HS6ST2: variants seen among roughly 807,000 people sequenced by gnomAD.
HS6ST2 encodes heparan sulfate 6-O-sulfotransferase 2, also known as heparan-sulfate 6-O-sulfotransferase 2.
Under a neutral mutation model 33.0 loss-of-function variants are expected in HS6ST2, and 17 were observed. That is an observed-to-expected ratio of 0.52 (90% CI 0.35 to 0.77). The LOEUF (loss-of-function observed/expected upper bound fraction) is 0.77. Among genes scored for constraint, HS6ST2 ranks in the 30% least tolerant of loss-of-function variants. The pLI is 0.01. For missense variants in HS6ST2, 519 were observed against 551.7 expected (o/e 0.94, Z 0.59); for synonymous variants, 248 against 237.1 (o/e 1.05, Z -0.42).
rs150603190 is a variant in HS6ST2 at position 132,915,418 on chromosome X, G to T, written c.947+41390C>A. On this transcript the variant is annotated intron_variant, in intron 2 of 4. Transcript: ENST00000370833. ...TAGTGAATAACTCTTTCCTCAAGAC[G>T]TATCTTTAGATTTATGTTTTGCTTT... Among the ~76,000 whole-genome samples the T allele has an allele frequency of 9.3e-3, 1,040 of 112,078 alleles. 9 individuals carry two copies. Among genetic ancestry groups the T allele is most frequent in the Non-Finnish European group, 0.013 (676 of 53,232 alleles).
intron 2 of HS6ST2, among the ~76,000 whole-genome samples, chrX:132,944,781 T>G (rs1249303609): frequency 9.1e-6 from 1 of 110,390 alleles, no homozygotes; most frequent in African/African-American, 3.3e-5. Flanking sequence ...TAAATGGTGC[T>G]GGGAAAACTG....
At chrX:132,947,345 A>T (rs1297276708) in intron 2 of HS6ST2, among the ~76,000 whole-genome samples, 1 of 110,078 alleles carries the variant, frequency 9.1e-6, no homozygotes, top group Non-Finnish European at 1.9e-5. Context: ...CTGTATCCTT[A>T]TTCATTTTTT....
chrX:132,818,927 T>C (rs1159251305), intron 2 of HS6ST2, among the ~76,000 whole-genome samples: 3 of 111,872 alleles, frequency 2.7e-5, no homozygotes, highest in Admixed American at 9.5e-5. Context: ...TAGAATTCTA[T>C]TGCTGATTCT....
At chrX:132,637,831 TATATAATATTTTATATATAATATA>T (rs2148602043) in intron 4 of HS6ST2, among the ~76,000 whole-genome samples, 1 of 44,864 alleles carries the variant, frequency 2.2e-5, no homozygotes, top group African/African-American at 4.1e-4. Context: ...TATAATATTA[TATATAATATTTTATATATAATATA>T]TATATAATAT....
intron 3 of HS6ST2, among the ~76,000 whole-genome samples, chrX:132,689,783 T>C (rs1016843950): frequency 5.3e-5 from 6 of 112,451 alleles, no homozygotes; most frequent in African/African-American, 1.9e-4. Context: ...TGAAGCAAGC[T>C]TGTACAAACC....
intron 2 of HS6ST2, among the ~76,000 whole-genome samples, chrX:132,799,626 C>G (rs776556688): frequency 4.6e-4 from 51 of 111,214 alleles, no homozygotes; most frequent in African/African-American, 1.6e-3. Flanking sequence ...AAGCAATCCA[C>G]CCACTTTAGC....
At chrX:132,757,791 A>G (rs2064771441) in intron 2 of HS6ST2, among the ~76,000 whole-genome samples, 1 of 112,139 alleles carries the variant, frequency 8.9e-6, no homozygotes, top group Non-Finnish European at 1.9e-5. Context: ...TCTTTGTGAT[A>G]TTTGCCTTTT....
At chrX:132,657,250 G>C (rs1031463216) in intron 4 of HS6ST2, among the ~76,000 whole-genome samples, 6 of 111,513 alleles carry the variant, frequency 5.4e-5, no homozygotes, top group African/African-American at 2.0e-4. Context: ...ACCACCAAGT[G>C]GGGGAATAGA....
At chrX:132,874,909 A>AG (rs985700907) in intron 2 of HS6ST2, among the ~76,000 whole-genome samples, 10 of 111,091 alleles carry the variant, frequency 9.0e-5, no homozygotes, top group East Asian at 2.9e-4. Flanking sequence ...CTCCTCTGGA[A>AG]GGGGGGGGCG....
intron 2 of HS6ST2, among the ~76,000 whole-genome samples, chrX:132,868,429 C>G (rs1451795122): frequency 8.9e-6 from 1 of 112,022 alleles, no homozygotes; most frequent in Non-Finnish European, 1.9e-5. Flanking sequence ...ACCAAGTGGA[C>G]CTAACAGACA....
intron 2 of HS6ST2, among the ~76,000 whole-genome samples, chrX:132,716,402 A>G (rs2064273945): frequency 8.9e-6 from 1 of 112,331 alleles, no homozygotes; most frequent in Non-Finnish European, 1.9e-5. Context: ...CAAACAAAGT[A>G]AAACGAAATA....
intron 3 of HS6ST2, among the ~76,000 whole-genome samples, chrX:132,695,864 C>A (rs2064100851): frequency 8.9e-6 from 1 of 112,025 alleles, no homozygotes; most frequent in Admixed American, 9.5e-5. Context: ...TACAACCAGA[C>A]AGATATCCAG....
intron 2 of HS6ST2, among the ~76,000 whole-genome samples, chrX:132,919,072 G>C (rs770134903): frequency 4.7e-4 from 53 of 112,055 alleles, no homozygotes; most frequent in African/African-American, 1.5e-3. Context: ...CAGTGGCAGA[G>C]AGTCTTTAAT....
At chrX:132,894,086 G>A (rs1260176409) in intron 2 of HS6ST2, among the ~76,000 whole-genome samples, 1 of 108,684 alleles carries the variant, frequency 9.2e-6, no homozygotes, top group East Asian at 2.9e-4. Flanking sequence ...TCCATTTTGA[G>A]GCTACAGCAT....
At chrX:132,927,858 G>GAAA (rs752332242) in intron 2 of HS6ST2, among the ~76,000 whole-genome samples, 4 of 52,022 alleles carry the variant, frequency 7.7e-5, no homozygotes, top group African/African-American at 7.8e-5. Context: ...CCCTGTCTCA[G>GAAA]AAAAAAAAAA....
chrX:132,763,318 C>G (rs1456537167), intron 2 of HS6ST2, among the ~76,000 whole-genome samples: 1 of 112,583 alleles, frequency 8.9e-6, no homozygotes, highest in Non-Finnish European at 1.9e-5. Flanking sequence ...AATGAGCTAA[C>G]GCATGTGAAA....
At chrX:132,651,953 G>A (rs1471880561) in intron 4 of HS6ST2, among the ~76,000 whole-genome samples, 1 of 112,112 alleles carries the variant, frequency 8.9e-6, no homozygotes, top group African/African-American at 3.2e-5. Context: ...GGAAGGATTT[G>A]AGAGATTCCA....
chrX:132,852,003 G>A (rs1255706352), intron 2 of HS6ST2, among the ~76,000 whole-genome samples: 1 of 111,187 alleles, frequency 9.0e-6, no homozygotes, highest in Non-Finnish European at 1.9e-5. Context: ...TTAGCTGGGT[G>A]TGGTGATGCA....
chrX:132,701,214 T>C (rs1310551179), intron 3 of HS6ST2, among the ~76,000 whole-genome samples: 3 of 111,969 alleles, frequency 2.7e-5, no homozygotes, highest in African/African-American at 6.5e-5. Flanking sequence ...CTGCAGAAAA[T>C]AACAGCCTTT....
Sources: gnomAD v4.1 joint callset for allele counts (sites outside exome capture counted in the v4.1 genomes callset) on GRCh38, gnomAD v4.1.1 for gene constraint, MANE v1.5 for transcripts, NCBI Gene and HGNC (gene_info 2026-07-23, HGNC 2026-07-21) for gene names.